The following VWA5B1 variants were observed in gnomAD, a reference collection of about 807,000 sequenced individuals.
VWA5B1 encodes von Willebrand factor A domain-containing protein 5B1.
Under a neutral mutation model 118.2 loss-of-function variants are expected in VWA5B1, and 115 were observed. The observed-to-expected ratio is 0.97, with a 90% confidence interval of 0.84 to 1.14. The LOEUF is 1.14. VWA5B1 is among the 50% of genes most tolerant of loss of function. The pLI, the probability that VWA5B1 is intolerant of heterozygous loss-of-function variation, is 0.00. For missense variants in VWA5B1, 1,596 were observed against 1,603.8 expected (o/e 1.00, Z 0.08); for synonymous variants, 682 against 658.4 (o/e 1.04, Z -0.55).
In VWA5B1 at chr1:20,318,582, C is replaced by A. The variant is rs2089101598; in HGVS notation, c.710-8C>A. ...CCTATATCCCCCTTGCCTTTCTATGCCACTCAGGGGTGGAGAGTCCCACTC... is the reference window on the plus strand; with the variant it reads ...CCTATATCCCCCTTGCCTTTCTATGACACTCAGGGGTGGAGAGTCCCACTC... On this transcript the variant is annotated splice_polypyrimidine_tract_variant and splice_region_variant and intron_variant, in intron 5 of 21. Coordinates refer to ENST00000289815, the MANE Select transcript of VWA5B1 (RefSeq NM_001039500.3). 14 of 1,551,384 alleles carry A rather than the reference C, an allele frequency of 9.0e-6. No homozygotes were observed. Among genetic ancestry groups the A allele is most frequent in the South Asian group, 1.2e-5 (1 of 84,024 alleles).
In VWA5B1 at chr1:20,350,222, C is replaced by T. The variant is rs780023843; in HGVS notation, c.2945C>T (p.Ala982Val). 3.9e-6 allele frequency: 6 copies of T among 1,551,134 alleles called. No individual in the cohort carries two copies. Among genetic ancestry groups the T allele is most frequent in the East Asian group, 4.9e-5 (2 of 40,926 alleles). The change falls in exon 19 of 22, where the codon GCT becomes GTT. Residue 982 changes from alanine (A) to valine (V), a missense_variant. Transcript: ENST00000289815. ...TCCCCCGGCCGCGAGAAGCACGGTGCTTCTGAAGGTGAGTGGGCAGGTGGC... is the reference window on the plus strand; with the variant it reads ...TCCCCCGGCCGCGAGAAGCACGGTGTTTCTGAAGGTGAGTGGGCAGGTGGC... Reference protein sequence around the residue: ...ARSPGREKHGASEGPQRSLAT... With the variant: ...ARSPGREKHGVSEGPQRSLAT...
intron 5 of VWA5B1, 148 bp from the exon 6 acceptor site, chr1:20,318,442 C>A: frequency 8.8e-7 from 1 of 1,131,480 alleles, no homozygotes; most frequent in Non-Finnish European, 1.3e-6. Flanking sequence ...ATTGAGGCAG[C>A]CTGGCCATGG....
At chr1:20,306,585 T>C (rs1380470897) in intron 1 of VWA5B1, among the ~76,000 whole-genome samples, 1 of 152,222 alleles carries the variant, frequency 6.6e-6, no homozygotes. Context: ...CAGCACCTGG[T>C]GTCCTTCAGT....
chr1:20,296,313 C>T (rs1388653784), intron 1 of VWA5B1, among the ~76,000 whole-genome samples: 2 of 152,306 alleles, frequency 1.3e-5, no homozygotes, highest in South Asian at 2.1e-4. Context: ...TCAGTTTCTC[C>T]GTCAGGTGGG....
At chr1:20,305,364 G>T (rs897855063) in intron 1 of VWA5B1, among the ~76,000 whole-genome samples, 20 of 152,114 alleles carry the variant, frequency 1.3e-4, no homozygotes, top group African/African-American at 4.1e-4. Flanking sequence ...CTGTTCCCAA[G>T]CATGCTCGAG....
Position 20,310,709 on chromosome 1 carries a change from C to T in VWA5B1, c.108C>T (p.Thr36=), listed in dbSNP as rs1335801205. The T allele has an allele frequency of 2.6e-6, 4 of 1,550,378 alleles. No individual in the cohort carries two copies. The South Asian group carries it at 4.8e-5, about 18-fold the overall frequency. ...GYALGLTASL[T]YGNLEAQPFQ... The stretch of plus-strand genomic sequence containing the variant: ...CCCTGGGCCTAACTGCCTCCCTCAC[C>T]TATGGCAACCTGGAAGCCCAGCCCT... Residue 36 remains threonine, a synonymous_variant, in exon 2 of 22, where the codon ACC becomes ACT. Transcript: ENST00000289815.
At chr1:20,302,849 C>T (rs1328570380) in intron 1 of VWA5B1, among the ~76,000 whole-genome samples, 2 of 152,140 alleles carry the variant, frequency 1.3e-5, no homozygotes, top group South Asian at 2.1e-4. Context: ...GAAGAGATAG[C>T]GGTAGCAGAA....
chr1:20,301,933 G>T (rs60719629), intron 1 of VWA5B1, among the ~76,000 whole-genome samples: 15 of 152,152 alleles, frequency 9.9e-5, no homozygotes, highest in Admixed American at 5.2e-4. Flanking sequence ...CAGGCATGGC[G>T]CAGTTTCTGT....
chr1:20,295,871 T>C (rs867851494), intron 1 of VWA5B1, among the ~76,000 whole-genome samples: 9 of 152,168 alleles, frequency 5.9e-5, no homozygotes, highest in African/African-American at 1.9e-4. Context: ...TGTAGGTTGT[T>C]TGGTTTGTTT....
At chr1:20,320,548 C>G (rs1366380677) in intron 7 of VWA5B1, among the ~76,000 whole-genome samples, 1 of 152,198 alleles carries the variant, frequency 6.6e-6, no homozygotes, top group Non-Finnish European at 1.5e-5. Flanking sequence ...CCAGTGGGGC[C>G]CAGTGGGCCT....
At chr1:20,303,149 A>T (rs2100809694) in intron 1 of VWA5B1, 1 of 152,346 alleles carries the variant, frequency 6.6e-6, no homozygotes, top group African/African-American at 2.4e-5. Flanking sequence ...TAAAGGGGAC[A>T]TGAAAGCAGG....
intron 8 of VWA5B1, among the ~76,000 whole-genome samples, chr1:20,324,661 C>A (rs1365667826): frequency 1.3e-5 from 2 of 152,096 alleles, no homozygotes; most frequent in East Asian, 3.9e-4. Flanking sequence ...TTCATCTTTC[C>A]CCCTAGTTTG....
At chr1:20,308,887 A>G (rs1381490920) in intron 1 of VWA5B1, among the ~76,000 whole-genome samples, 1 of 152,196 alleles carries the variant, frequency 6.6e-6, no homozygotes, top group Non-Finnish European at 1.5e-5. Context: ...CACTCACTGA[A>G]CAGCCTTGCA....
intron 1 of VWA5B1, among the ~76,000 whole-genome samples, chr1:20,302,533 G>A (rs1450187636): frequency 1.3e-5 from 2 of 152,210 alleles, no homozygotes; most frequent in Admixed American, 6.5e-5. Context: ...GGTTGGGGTG[G>A]GTGGGGGACA....
chr1:20,298,419 C>A (rs1230903496), intron 1 of VWA5B1, among the ~76,000 whole-genome samples: 1 of 151,990 alleles, frequency 6.6e-6, no homozygotes, highest in African/African-American at 2.4e-5. Context: ...TTCTAAGATA[C>A]CCCATTTCTA....
Position 20,336,398 on chromosome 1 carries a change from A to C in VWA5B1, c.1854A>C (p.Gly618=). Reference sequence around the variant, plus strand: ...ATGACGGACCCGGGCTGGAAGGTGGAGACTGTGCCAAGAACTCGGGGGCAC... The same window carrying C: ...ATGACGGACCCGGGCTGGAAGGTGGCGACTGTGCCAAGAACTCGGGGGCAC... ...SQDDGPGLEG[G]DCAKNSGAPF... The change falls in exon 13 of 22, where the codon GGA becomes GGC. Residue 618 remains glycine (G), a synonymous_variant. Coordinates refer to ENST00000289815, the MANE Select transcript of VWA5B1 (RefSeq NM_001039500.3). The C allele has an allele frequency of 1.3e-6, 2 of 1,530,188 alleles. No homozygotes were observed. The highest frequency in any genetic ancestry group is 1.8e-6 in the Non-Finnish European group (2 of 1,136,226). The allele number at this position is 1,530,188 out of a possible 1,614,324, so 94.8% of individuals were successfully genotyped here. A position where few individuals can be genotyped will look rare whatever the true frequency, so the allele number is the denominator to read the frequency against.
intron 1 of VWA5B1, among the ~76,000 whole-genome samples, chr1:20,295,506 AC>A (rs1202952754): frequency 1.3e-5 from 2 of 151,926 alleles, no homozygotes; most frequent in African/African-American, 4.8e-5. Flanking sequence ...CAGTCTGAAA[AC>A]CCTTTGCTAG....
rs1268628183 is a variant in VWA5B1, at chr1:20,342,546, G to A, written c.2248G>A (p.Glu750Lys). The A allele has an allele frequency of 1.2e-5, 18 of 1,544,524 alleles. No individual in the cohort carries two copies. The highest frequency in any genetic ancestry group is 1.5e-5 in the Non-Finnish European group (17 of 1,144,358). Residue 750 changes from glutamate (E) to lysine (K), a missense_variant, in exon 15 of 22, where the codon GAG (glutamate) becomes AAG (lysine). Physicochemically the swap from Glu to Lys is moderately conservative, Grantham distance 56. Coordinates refer to ENST00000289815, the MANE Select transcript of VWA5B1 (RefSeq NM_001039500.3). The part of the protein sequence containing the change: ...GCQPFLPWGQ[E>K]TQAWSPVRER... ...CCAGCCCTTCCTGCCCTGGGGCCAG[G>A]AGACCCAGGCCTGGAGCCCTGTGAG...
At chr1:20,329,228 T>C (rs938871003) in intron 9 of VWA5B1, among the ~76,000 whole-genome samples, 1 of 148,800 alleles carries the variant, frequency 6.7e-6, no homozygotes, top group Non-Finnish European at 1.5e-5. Flanking sequence ...AAGCTACACA[T>C]ACATCTTAAG....
Sources: allele counts gnomAD v4.1 joint callset (sites outside exome capture counted in the v4.1 genomes callset), GRCh38; gene constraint gnomAD v4.1.1; transcripts MANE v1.5; gene names NCBI Gene and HGNC (gene_info 2026-07-23, HGNC 2026-07-21).